Variants in NSMF observed in about 807,000 individuals in gnomAD.
NSMF encodes nasal embryonic LHRH factor.
Under a neutral mutation model 71.0 loss-of-function variants are expected in NSMF, and 31 were observed. The observed-to-expected ratio is 0.44, with a 90% CI of 0.33 to 0.59. NSMF has a LOEUF of 0.59. Among genes scored for constraint, NSMF ranks in the 20% least tolerant of loss-of-function variants. The pLI is 0.04. For missense variants in NSMF, 673 were observed against 740.5 expected, an observed-to-expected ratio of 0.91 and a Z score of 1.06; for synonymous variants, 345 against 287.1, an observed-to-expected ratio of 1.20 and a Z score of -2.04.
Position 137,449,277 on chromosome 9 carries a change from G to C in NSMF, c.*117C>G. 4.7e-6 allele frequency: 4 copies of C among 845,524 alleles called. No homozygotes were observed. The highest frequency in any genetic ancestry group is 5.8e-6 in the Non-Finnish European group (3 of 513,792). The allele number at this position is 845,524 out of a possible 1,614,324, so 52.4% of individuals were successfully genotyped here. On this transcript the variant is annotated 3_prime_UTR_variant, in exon 16 of 16. Coordinates refer to ENST00000371475, the MANE Select transcript of NSMF (RefSeq NM_001130969.3). ...ACCTGAGCAACGTCTGAGGTGCCCT[G>C]AAGTGGCTCCAGGCGAGACCGGAGC...
In NSMF at chr9:137,453,372, G is replaced by C. The variant is rs79824528; in HGVS notation, c.923-192C>G. The C allele has an allele frequency of 0.056, 41,951 of 742,780 alleles. 2,006 individuals carry two copies. Among genetic ancestry groups the C allele is most frequent in the African/African-American group, 0.18 (10,196 of 56,722 alleles). The allele number at this position is 742,780 out of a possible 1,614,324, so 46.0% of individuals were successfully genotyped here. ...ACCACTGGGCAGCGGCCTGATGTGG[G>C]AAGGGAGACCCTGGTGCGAGGCCGG... On this transcript the variant is annotated intron_variant, in intron 8 of 15. Coordinates refer to ENST00000371475, the MANE Select transcript of NSMF (RefSeq NM_001130969.3). The surrounding 1 kb of genome is among the most constrained non-coding windows in gnomAD (Gnocchi z 4.5).
At chr9:137,458,029 C>G in intron 2 of NSMF, 128 bp from the exon 3 acceptor site, 1 of 1,337,316 alleles carries the variant, frequency 7.5e-7, no homozygotes, top group African/African-American at 1.4e-5. Flanking sequence ...CTGCCCAAAC[C>G]CTAGTCACTG....
chr9:137,456,309 C>T (rs1185710278), intron 4 of NSMF, 102 bp downstream of exon 4: 2 of 978,678 alleles, frequency 2.0e-6, no homozygotes, highest in South Asian at 1.3e-5. Context: ...TGTTCAGAAG[C>T]AGCCCCCCTG....
At chr9:137,455,679 T>G (rs759288616) in intron 4 of NSMF, 45 bp from the exon 5 acceptor site, 1 of 1,549,990 alleles carries the variant, frequency 6.5e-7, no homozygotes, top group Non-Finnish European at 8.7e-7. Context: ...GAAGACACAG[T>G]GAGCTCAACC....
rs1008095054 is a variant in NSMF, at chr9:137,457,471, A to G, written c.564T>C (p.Pro188=). 16 of 1,612,788 alleles carry G rather than the reference A, an allele frequency of 9.9e-6. No individual in the cohort carries two copies. Among genetic ancestry groups the G allele is most frequent in the Non-Finnish European group, 1.4e-5 (16 of 1,179,954 alleles). ...TGCGGCGACCGGAGGTCTCAGGCAGAGGTGGCTGGTCCAGCCCAAAGGCCC... is the reference window on the plus strand; with the variant it reads ...TGCGGCGACCGGAGGTCTCAGGCAGGGGTGGCTGGTCCAGCCCAAAGGCCC... ...TPRAFGLDQP[P]LPETSGRRKK... Residue 188 remains proline (P), a synonymous_variant, in exon 3 of 16, where the codon CCT becomes CCC. Transcript: ENST00000371475.
At chr9:137,450,365 G>A (rs545259881) in intron 12 of NSMF, 110 bp from the exon 13 acceptor site, 17 of 820,002 alleles carry the variant, frequency 2.1e-5, no homozygotes, top group African/African-American at 1.6e-4. Context: ...CCCCGGCCAC[G>A]CTTCTTCCCC....
chr9:137,454,111 G>A (rs1830702832), intron 7 of NSMF, among the ~76,000 whole-genome samples: 1 of 51,228 alleles, frequency 2.0e-5, no homozygotes, highest in Non-Finnish European at 4.0e-5. Context: ...GGCTGGGAGG[G>A]GAGGAGCCTG....
chr9:137,455,501 C>T (rs972754846), intron 5 of NSMF, 128 bp downstream of exon 5: 6 of 1,249,042 alleles, frequency 4.8e-6, no homozygotes, highest in Non-Finnish European at 5.7e-6. Context: ...CCGCTGGGAG[C>T]CAGGCCCGCA....
At chr9:137,452,338 G>C (rs1288030957) in intron 12 of NSMF, 27 bp downstream of exon 12, 1 of 1,598,150 alleles carries the variant, frequency 6.3e-7, no homozygotes, top group Middle Eastern at 1.7e-4. Flanking sequence ...TTCTTCTCCT[G>C]GTCAGGAGAC....
rs1420155229 is a variant in NSMF at position 137,454,457 on chromosome 9, C to T, written c.780-14G>A. The T allele has an allele frequency of 1.3e-6, 2 of 1,550,176 alleles. No homozygotes were observed. Among genetic ancestry groups the T allele is most frequent in the Admixed American group, 2.0e-5 (1 of 50,992 alleles). ...TTGCGGAAGTTCCTGGGGGAGGAAG[C>T]CAGGGGCTGAAGAGGGCCGTGAGAG... On this transcript the variant is annotated splice_polypyrimidine_tract_variant and intron_variant, in intron 6 of 15. Coordinates refer to ENST00000371475, the MANE Select transcript of NSMF (RefSeq NM_001130969.3).
Position 137,458,464 on chromosome 9 carries a change from TGGCAC to T in NSMF, c.133+19_133+23del. ...TTGGGCTGGGGGGTCTGGGCGGCCC[TGGCAC>T]GGCCTCGCGTGCCCCTACCTGCGCC... On this transcript the variant is annotated intron_variant, in intron 2 of 15. Coordinates refer to ENST00000371475, the MANE Select transcript of NSMF (RefSeq NM_001130969.3). The T allele has an allele frequency of 6.4e-7, 1 of 1,561,880 alleles. No individual in the cohort carries two copies. The highest frequency in any genetic ancestry group is 8.6e-7 in the Non-Finnish European group (1 of 1,156,812).
Position 137,458,480 on chromosome 9 carries a change from GC to G in NSMF, c.133+7del, listed in dbSNP as rs1380526333. On this transcript the variant is annotated splice_region_variant and intron_variant, in intron 2 of 15. Transcript: ENST00000371475. ...GGGCGGCCCTGGCACGGCCTCGCGT[GC>G]CCCTACCTGCGCCGTTGCGGTTCTC... 1 of 1,580,440 alleles carries G rather than the reference GC, an allele frequency of 6.3e-7. No homozygotes were observed.
At chr9:137,452,890 G>A in intron 9 of NSMF, 71 bp from the exon 10 acceptor site, 13 of 1,548,988 alleles carry the variant, frequency 8.4e-6, no homozygotes, top group Non-Finnish European at 1.1e-5. Context: ...GAGCCCCCAT[G>A]AGGCTACCTT....
chr9:137,450,200 A>G lies in NSMF; in HGVS notation c.1292T>C (p.Val431Ala). The change falls in exon 13 of 16, where the codon GTG (valine) becomes GCG (alanine). Residue 431 changes from valine to alanine, a missense_variant. By Grantham distance (64) the Val-to-Ala change is moderately conservative. Coordinates refer to ENST00000371475, the MANE Select transcript of NSMF (RefSeq NM_001130969.3). ...LKNKVATFAK[V>A]EKEEDMIHFW... The stretch of plus-strand genomic sequence containing the variant: ...CTGAATCATGTCCTCTTCCTTCTCC[A>G]CTTTGGCAAAGGTGGCCACCTTGTT... 6.2e-7 allele frequency: 1 copy of G among 1,613,304 alleles called. No individual in the cohort carries two copies. The highest frequency in any genetic ancestry group is 8.5e-7 in the Non-Finnish European group (1 of 1,179,838).
rs1839783330 is a variant in NSMF, at chr9:137,449,383, G to A, written c.*11C>T. ...GTGGCCTGATGGTGACTGGGCGGAGGCCTCTGCCCCTCACAGGACGTCGTC... is the reference window on the plus strand; with the variant it reads ...GTGGCCTGATGGTGACTGGGCGGAGACCTCTGCCCCTCACAGGACGTCGTC... On this transcript the variant is annotated 3_prime_UTR_variant, in exon 16 of 16. Coordinates refer to ENST00000371475, the MANE Select transcript of NSMF (RefSeq NM_001130969.3). 1 of 1,608,424 alleles carries A rather than the reference G, an allele frequency of 6.2e-7. No homozygotes were observed. The highest frequency in any genetic ancestry group is 8.5e-7 in the Non-Finnish European group (1 of 1,176,272).
Position 137,453,767 on chromosome 9 carries a change from G to A in NSMF, c.886C>T (p.Pro296Ser). ...SFSRSWSDPT[P>S]MKADTSHDSR... is the part of the protein sequence containing the mutation. Reference sequence around the variant, plus strand: ...TCGTGGGAAGTGTCGGCTTTCATGGGGGTGGGGTCGCTCCAGGACCGGCTG... The same window carrying A: ...TCGTGGGAAGTGTCGGCTTTCATGGAGGTGGGGTCGCTCCAGGACCGGCTG... Residue 296 changes from proline (P) to serine (S), a missense_variant, in exon 8 of 16, where the codon CCC becomes TCC. Around this residue, in one of 2 missense-constraint regions of NSMF, gnomAD observed 471 missense variants for 459.6 expected, o/e 1.02. Transcript: ENST00000371475. The surrounding 1 kb of genome is among the most constrained non-coding windows in gnomAD (Gnocchi z 4.5). 6.2e-7 allele frequency: 1 copy of A among 1,601,722 alleles called. No homozygotes were observed. Among genetic ancestry groups the A allele is most frequent in the South Asian group, 1.1e-5 (1 of 90,344 alleles).
At position 137,459,237 on chromosome 9, in the gene NSMF, T is replaced by TGGGCTC; in HGVS notation, c.-141_-136dup. On this transcript the variant is annotated 5_prime_UTR_variant, in exon 1 of 16. Transcript: ENST00000371475. Reference sequence around the variant, plus strand: ...TCTCGCTCGGGCTCCGGCTCGGGCTTGGGCTCGGGGTCGGGCTCGGGGTCG... The same window carrying TGGGCTC: ...TCTCGCTCGGGCTCCGGCTCGGGCTTGGGCTCGGGCTCGGGGTCGGGCTCGGGGTCG... 3 of 581,806 alleles carry TGGGCTC rather than the reference T, an allele frequency of 5.2e-6. No homozygotes were observed. The highest frequency in any genetic ancestry group is 4.4e-6 in the Non-Finnish European group (2 of 450,542). The allele number at this position is 581,806 out of a possible 1,614,324, so 36.0% of individuals were successfully genotyped here. A position where few individuals can be genotyped will look rare whatever the true frequency, so the allele number is the denominator to read the frequency against.
chr9:137,453,741 G>A lies in NSMF; in HGVS notation c.912C>T (p.Asp304=). 6 of 1,601,908 alleles carry A rather than the reference G, an allele frequency of 3.7e-6. No individual in the cohort carries two copies. The highest frequency in any genetic ancestry group is 1.1e-5 in the South Asian group (1 of 90,080). The change falls in exon 8 of 16, where the codon GAC becomes GAT. Residue 304 remains aspartate (D), a synonymous_variant. Transcript: ENST00000371475. This position sits in a 1 kb window ranked among gnomAD's most constrained non-coding sequence, Gnocchi z 4.5. The stretch of plus-strand genomic sequence containing the variant: ...GTGCGGGGCACCTACTGTCTCGGGA[G>A]TCGTGGGAAGTGTCGGCTTTCATGG... ...PTPMKADTSH[D]SRDSSDLQSS...
Position 137,452,823 on chromosome 9 carries a change from C to T in NSMF, c.1048-4G>A, listed in dbSNP as rs371328618. The T allele has an allele frequency of 1.1e-5, 18 of 1,597,508 alleles. No individual in the cohort carries two copies. Among genetic ancestry groups the T allele is most frequent in the Middle Eastern group, 1.7e-4 (1 of 6,044 alleles). On this transcript the variant is annotated splice_polypyrimidine_tract_variant and splice_region_variant and intron_variant, in intron 9 of 15. Transcript: ENST00000371475. ...TGGGCACCTTGGAGGAAATGAGCTG[C>T]GGAGACAAAGAGCTGCTCAGGGGCC...
Sources: allele counts gnomAD v4.1 joint callset (sites outside exome capture counted in the v4.1 genomes callset), GRCh38; gene constraint gnomAD v4.1.1; regional missense constraint gnomAD v4.1.1; non-coding constraint Gnocchi (gnomAD v3.1); transcripts MANE v1.5; gene names NCBI Gene and HGNC (gene_info 2026-07-23, HGNC 2026-07-21).